Variants in MICAL2 observed in about 807,000 individuals in gnomAD.
MICAL2 encodes the protein microtubule associated monooxygenase, calponin and LIM domain containing 2.
In MICAL2, 77 loss-of-function variants were observed where a neutral mutation model predicts 127.3. That is an observed-to-expected ratio of 0.60 (90% confidence interval 0.50 to 0.73). The LOEUF (loss-of-function observed/expected upper bound fraction) is 0.73, where lower values mean the gene tolerates loss of function less well. Ranked by LOEUF, MICAL2 falls within the 30% of genes least tolerant of loss-of-function variation. MICAL2 has a pLI of 0.00. For missense variants in MICAL2, 1,351 were observed against 1,434.4 expected (o/e 0.94, Z 0.94); for synonymous variants, 570 against 551.1 (o/e 1.03, Z -0.48).
chr11:12,227,149 T>G lies in MICAL2; in HGVS notation c.1995+18T>G. 1 of 1,554,542 alleles carries G rather than the reference T, an allele frequency of 6.4e-7. No homozygotes were observed. Among genetic ancestry groups the G allele is most frequent in the Non-Finnish European group, 8.9e-7 (1 of 1,126,880 alleles). On this transcript the variant is annotated intron_variant, in intron 15 of 27. Transcript: ENST00000683283. Reference sequence around the variant, plus strand: ...CTCCACGGGTAAGTTTTGGCCTGGTTTCGGTTTTATTTCCCATTGCACATG... The same window carrying G: ...CTCCACGGGTAAGTTTTGGCCTGGTGTCGGTTTTATTTCCCATTGCACATG...
At chr11:12,297,364 A>G (rs1863997874) in intron 29 of MICAL2, among the ~76,000 whole-genome samples, 1 of 152,004 alleles carries the variant, frequency 6.6e-6, no homozygotes, top group Non-Finnish European at 1.5e-5. Flanking sequence ...CCAGTTTTCT[A>G]TTGGTTTGTT....
chr11:12,251,244 G>T (rs1417738136), intron 22 of MICAL2, among the ~76,000 whole-genome samples: 3 of 8,248 alleles, frequency 3.6e-4, no homozygotes, highest in Non-Finnish European at 6.8e-4. Context: ...AGTGAGCTAA[G>T]CCACAGTGAG....
intron 14 of MICAL2, among the ~76,000 whole-genome samples, chr11:12,226,651 GT>G (rs202072260): frequency 0.13 from 16,252 of 126,062 alleles, 795 homozygotes; most frequent in African/African-American, 0.17. Flanking sequence ...TTTGTTTTTG[GT>G]TTTTTTTTTT....
At chr11:12,343,387 G>A (rs1174824583) in intron 32 of MICAL2, among the ~76,000 whole-genome samples, 2 of 136,284 alleles carry the variant, frequency 1.5e-5, no homozygotes, top group Non-Finnish European at 1.5e-5. Flanking sequence ...CAGCCTGGGC[G>A]ACAAGAGCTT....
chr11:12,120,365 A>G (rs577481718), intron 1 of MICAL2, among the ~76,000 whole-genome samples: 172 of 152,234 alleles, frequency 1.1e-3, no homozygotes, highest in African/African-American at 4.0e-3. Context: ...AGAGATGGCA[A>G]ATAGGGTGCT....
chr11:12,262,671 G>T lies in MICAL2; in HGVS notation c.*17+134G>T, dbSNP rs1863290030. The T allele has an allele frequency of 6.5e-6, 5 of 770,086 alleles. No homozygotes were observed. The East Asian group carries it at 1.2e-4, about 19-fold the overall frequency. The allele number at this position is 770,086 out of a possible 1,614,324, so 47.7% of individuals were successfully genotyped here. ...TGCATACTGATGGACTCATTTGGTG[G>T]CATGGTTGGCTAACAGCATGGCGGG... On this transcript the variant is annotated intron_variant, in intron 27 of 27. Coordinates refer to ENST00000683283, the MANE Select transcript of MICAL2 (RefSeq NM_001282663.2).
chr11:12,216,467 G>GT (rs1186949773), intron 8 of MICAL2, 148 bp downstream of exon 8: 1 of 642,850 alleles, frequency 1.6e-6, no homozygotes, highest in African/African-American at 1.8e-5. Flanking sequence ...TTTTCTTGGT[G>GT]TTACATGAGT....
intron 17 of MICAL2, among the ~76,000 whole-genome samples, chr11:12,240,723 C>T (rs1451883437): frequency 1.3e-5 from 2 of 152,212 alleles, no homozygotes; most frequent in South Asian, 4.1e-4. Context: ...CCTGGCCTAG[C>T]CACCCTGGCC....
Position 12,229,714 on chromosome 11 carries a change from G to A in MICAL2, c.1995+2583G>A, listed in dbSNP as rs146104975. 2.6e-5 allele frequency among the ~76,000 whole-genome samples: 4 copies of A among 152,250 alleles called. No homozygotes were observed. In the East Asian group the frequency reaches 7.7e-4, roughly 29 times the overall value. ...TAAAAGTCAGGAATCAGCAAGGTTA[G>A]CCAGGCCTCCCAAGGGCTGAGGGCC... On this transcript the variant is annotated intron_variant, in intron 15 of 27. Transcript: ENST00000683283.
intron 2 of MICAL2, among the ~76,000 whole-genome samples, chr11:12,159,418 G>A (rs1438326095): frequency 1.3e-5 from 2 of 152,222 alleles, no homozygotes; most frequent in African/African-American, 4.8e-5. Context: ...TGTGGTAGAT[G>A]CAGTGTGCGT....
chr11:12,212,817 C>A (rs1314222158), intron 6 of MICAL2, among the ~76,000 whole-genome samples: 1 of 152,162 alleles, frequency 6.6e-6, no homozygotes, highest in African/African-American at 2.4e-5. Context: ...TTGTTAAAAT[C>A]CCTGTCCTGC....
At chr11:12,136,811 C>G (rs958178322) in intron 1 of MICAL2, among the ~76,000 whole-genome samples, 3 of 152,076 alleles carry the variant, frequency 2.0e-5, no homozygotes, top group Non-Finnish European at 4.4e-5. Flanking sequence ...GTAGCCTGGT[C>G]CAGTCATACC....
Position 12,255,679 on chromosome 11 carries a change from G to A in MICAL2, c.2884G>A (p.Ala962Thr). 6.2e-7 allele frequency: 1 copy of A among 1,614,112 alleles called. No individual in the cohort carries two copies. Among genetic ancestry groups the A allele is most frequent in the South Asian group, 1.1e-5 (1 of 91,068 alleles). Reference sequence around the variant, plus strand: ...GAAAGTGTCCAGCGGAATAGGGGCTGCAGCTGAAGTCCTGGTCAATCTGTA... The same window carrying A: ...GAAAGTGTCCAGCGGAATAGGGGCTACAGCTGAAGTCCTGGTCAATCTGTA... Reference protein sequence around the residue: ...VGKVSSGIGAAAEVLVNLYMN... With the variant: ...VGKVSSGIGATAEVLVNLYMN... The change falls in exon 23 of 28, where the codon GCA (alanine) becomes ACA (threonine). Residue 962 changes from alanine to threonine, a missense_variant. By Grantham distance (58) the Ala-to-Thr change is moderately conservative (BLOSUM62 0). Transcript: ENST00000683283.
intron 16 of MICAL2, among the ~76,000 whole-genome samples, chr11:12,236,830 A>G (rs144961164): frequency 6.6e-6 from 1 of 151,874 alleles, no homozygotes; most frequent in African/African-American, 2.4e-5. Context: ...CTTTTAAAAG[A>G]GACCTGAGAT....
intron 2 of MICAL2, among the ~76,000 whole-genome samples, chr11:12,147,508 G>T (rs957304460): frequency 6.6e-6 from 1 of 152,192 alleles, no homozygotes; most frequent in Non-Finnish European, 1.5e-5. Flanking sequence ...CAGAGCTGGG[G>T]TGAATACTCT....
intron 2 of MICAL2, among the ~76,000 whole-genome samples, chr11:12,159,633 G>A (rs1230350977): frequency 1.3e-5 from 2 of 152,236 alleles, no homozygotes; most frequent in Non-Finnish European, 2.9e-5. Context: ...AAAGACTGTA[G>A]TGTAGCAGGC....
At chr11:12,197,691 C>T (rs1208886000) in intron 3 of MICAL2, 1 of 152,170 alleles carries the variant, frequency 6.6e-6, no homozygotes, top group African/African-American at 2.4e-5. Flanking sequence ...GAGGATTGTG[C>T]TTAGAACTTC....
chr11:12,173,230 T>G (rs1257833129), intron 3 of MICAL2, among the ~76,000 whole-genome samples: 4 of 152,186 alleles, frequency 2.6e-5, no homozygotes, highest in Non-Finnish European at 5.9e-5. Flanking sequence ...GAGATGTAAA[T>G]ACAGGGTAGC....
rs1490591549 is a variant in MICAL2, at chr11:12,150,337, C to A, written c.-77-11742C>A. Among the ~76,000 whole-genome samples, 4 of 151,992 alleles carry A rather than the reference C, an allele frequency of 2.6e-5. No individual in the cohort carries two copies. The East Asian group carries it at 7.7e-4, about 29-fold the overall frequency. Reference sequence around the variant, plus strand: ...GGTCAAATGGTACAGTTCTTCAGAACAGGGAGATTGGCCCAGGAGGTCAAG... The same window carrying A: ...GGTCAAATGGTACAGTTCTTCAGAAAAGGGAGATTGGCCCAGGAGGTCAAG... On this transcript the variant is annotated intron_variant, in intron 2 of 27. Coordinates refer to ENST00000683283, the MANE Select transcript of MICAL2 (RefSeq NM_001282663.2).
Sources: gnomAD v4.1 joint callset for allele counts (sites outside exome capture counted in the v4.1 genomes callset) on GRCh38, gnomAD v4.1.1 for gene constraint, MANE v1.5 for transcripts, NCBI Gene and HGNC (gene_info 2026-07-23, HGNC 2026-07-21) for gene names.